SNX29: variants seen among roughly 807,000 people sequenced by gnomAD.
SNX29 encodes the protein sorting nexin-29.
A neutral mutation model predicts 102.1 loss-of-function variants in SNX29; 78 were observed. The ratio of observed to expected loss-of-function variants is 0.76; its 90% CI spans 0.64 to 0.92. The LOEUF (loss-of-function observed/expected upper bound fraction) is 0.92. Among genes scored for constraint, SNX29 ranks in the 40% least tolerant of loss-of-function variants. The pLI is 0.00. For missense variants in SNX29, 1,280 were observed against 1,061.7 expected, an observed-to-expected ratio of 1.21 and a Z score of -2.86; for synonymous variants, 580 against 414.5, an observed-to-expected ratio of 1.40 and a Z score of -4.85.
intron 19 of SNX29, among the ~76,000 whole-genome samples, chr16:12,497,904 G>C (rs1293484744): frequency 6.6e-6 from 1 of 152,156 alleles, no homozygotes; most frequent in Admixed American, 6.5e-5. Flanking sequence ...CAGGTCATTG[G>C]TTCATCCCTG....
At chr16:12,432,784 A>G (rs1159885082) in intron 18 of SNX29, among the ~76,000 whole-genome samples, 2 of 152,238 alleles carry the variant, frequency 1.3e-5, no homozygotes, top group East Asian at 1.9e-4. Flanking sequence ...CTAGAATTCA[A>G]TGGCAGCTCA....
chr16:12,542,855 A>C (rs1244366997), intron 20 of SNX29, among the ~76,000 whole-genome samples: 2 of 152,182 alleles, frequency 1.3e-5, no homozygotes, highest in East Asian at 1.9e-4. Context: ...AGTACTCAGA[A>C]ATGCTAAATG....
At chr16:12,011,063 G>T (rs1456260376) in intron 3 of SNX29, among the ~76,000 whole-genome samples, 1 of 151,788 alleles carries the variant, frequency 6.6e-6, no homozygotes, top group Non-Finnish European at 1.5e-5. Flanking sequence ...AAAATCCTGG[G>T]GTTCATTAAT....
intron 16 of SNX29, among the ~76,000 whole-genome samples, chr16:12,356,738 A>G (rs992927312): frequency 6.6e-6 from 1 of 152,216 alleles, no homozygotes; most frequent in Non-Finnish European, 1.5e-5. Flanking sequence ...GGGCTTTTCA[A>G]CCACAGCACT....
intron 4 of SNX29, among the ~76,000 whole-genome samples, chr16:12,028,998 G>A (rs1405569776): frequency 1.3e-5 from 2 of 152,030 alleles, no homozygotes; most frequent in South Asian, 2.1e-4. Flanking sequence ...TGCTCACTTC[G>A]GCCTTCCAGA....
intron 14 of SNX29, among the ~76,000 whole-genome samples, chr16:12,228,107 T>C (rs559004161): frequency 6.6e-6 from 1 of 152,118 alleles, no homozygotes; most frequent in South Asian, 2.1e-4. Context: ...TGAGACCCTG[T>C]CAGGAAAAGA....
intron 13 of SNX29, among the ~76,000 whole-genome samples, chr16:12,130,816 G>T (rs1196558977): frequency 4.0e-5 from 6 of 151,776 alleles, no homozygotes; most frequent in African/African-American, 1.5e-4. Flanking sequence ...GCTCTCGTTG[G>T]TCTGCGTGGG....
In SNX29 at chr16:12,025,302, C is replaced by CAAAAAAA. The variant is rs35724715; in HGVS notation, c.123-2002_123-1996dup. Among the ~76,000 whole-genome samples, 135 of 60,410 alleles carry CAAAAAAA rather than the reference C, an allele frequency of 2.2e-3. 6 individuals are homozygous for CAAAAAAA. The highest frequency in any genetic ancestry group is 5.1e-3 in the African/African-American group (72 of 14,004). 39.6% of individuals were successfully genotyped at this position (60,410 alleles called of 152,430 possible). On this transcript the variant is annotated intron_variant, in intron 3 of 20. Coordinates refer to ENST00000566228, the MANE Select transcript of SNX29 (RefSeq NM_032167.5). ...GGGCAACAAGAGCAAAACTCCATCT[C>CAAAAAAA]AAAAAAAAAAAAAAAAAAAAAAGTG...
intron 13 of SNX29, among the ~76,000 whole-genome samples, chr16:12,134,133 A>G (rs868734450): frequency 3.3e-5 from 5 of 152,310 alleles, no homozygotes; most frequent in Middle Eastern, 6.8e-3. Flanking sequence ...AGCTCAAGCT[A>G]TGAGACATAT....
chr16:12,252,992 T>C (rs2078466764), intron 14 of SNX29, among the ~76,000 whole-genome samples: 1 of 152,190 alleles, frequency 6.6e-6, no homozygotes, highest in African/African-American at 2.4e-5. Context: ...GGTTCTTGCG[T>C]TGGGTTTGAG....
rs377651900 is a variant in SNX29, at chr16:12,336,270, G to A, written c.1783-19893G>A. On this transcript the variant is annotated intron_variant, in intron 15 of 20. Coordinates refer to ENST00000566228, the MANE Select transcript of SNX29 (RefSeq NM_032167.5). ...TCACTGTAACACAGTTAAAGCCAAG[G>A]TATTCAGAATAGACTCTCTGCTCAG... Among the ~76,000 whole-genome samples the A allele has an allele frequency of 1.6e-4, 25 of 152,282 alleles. No individual in the cohort carries two copies. The East Asian group carries it at 3.5e-3, about 21-fold the overall frequency.
intron 3 of SNX29, among the ~76,000 whole-genome samples, chr16:12,023,692 C>G (rs1261415427): frequency 6.6e-6 from 1 of 151,986 alleles, no homozygotes; most frequent in Admixed American, 6.6e-5. Context: ...GGTTCATTAA[C>G]TTAATTAACT....
intron 20 of SNX29, among the ~76,000 whole-genome samples, chr16:12,558,979 CTTTAAAGAAAT>C (rs1247239055): frequency 6.6e-6 from 1 of 152,178 alleles, no homozygotes; most frequent in African/African-American, 2.4e-5. Context: ...GATTCAGAGA[CTTTAAAGAAAT>C]TTACACAGTT....
At chr16:12,200,845 C>A (rs945950399) in intron 14 of SNX29, among the ~76,000 whole-genome samples, 1 of 152,186 alleles carries the variant, frequency 6.6e-6, no homozygotes, top group Non-Finnish European at 1.5e-5. Context: ...GACCACCTGA[C>A]CCCTTTGAAT....
At chr16:12,540,707 G>A (rs1431338583) in intron 20 of SNX29, among the ~76,000 whole-genome samples, 1 of 152,210 alleles carries the variant, frequency 6.6e-6, no homozygotes, top group Admixed American at 6.5e-5. Context: ...CACATATGAA[G>A]ACGCTCCAGG....
intron 11 of SNX29, chr16:12,087,649 T>A (rs1264548237): frequency 2.8e-6 from 1 of 358,800 alleles, no homozygotes; most frequent in African/African-American, 2.1e-5. Context: ...CAGCCGTCAT[T>A]ATGCGAGATG....
chr16:12,074,771 G>C (rs1019117291), intron 10 of SNX29, among the ~76,000 whole-genome samples: 34 of 152,264 alleles, frequency 2.2e-4, no homozygotes, highest in Non-Finnish European at 4.0e-4. Flanking sequence ...TTCCAACTTG[G>C]TTCCATTCTC....
rs200157172 is a variant in SNX29, at chr16:12,522,051, TGGCCCCGAGG to T, written c.2179-2644_2179-2635del. Among the ~76,000 whole-genome samples the T allele has an allele frequency of 4.6e-3, 706 of 152,160 alleles. 8 individuals carry two copies. Among genetic ancestry groups the T allele is most frequent in the Middle Eastern group, 0.031 (9 of 294 alleles). ...AGAAGACTTTGTTGTGACTTTGGAG[TGGCCCCGAGG>T]GGCCCCTGCTGGCACAGATGCTCCA... is the stretch of plus-strand genomic sequence containing the variant. On this transcript the variant is annotated intron_variant, in intron 19 of 20. Transcript: ENST00000566228.
At chr16:12,102,393 A>C (rs2053060836) in intron 11 of SNX29, among the ~76,000 whole-genome samples, 1 of 152,242 alleles carries the variant, frequency 6.6e-6, no homozygotes, top group African/African-American at 2.4e-5. Flanking sequence ...ACAGTGTAAA[A>C]GCATTTCTAT....
Sources: gnomAD v4.1 joint callset for allele counts (sites outside exome capture counted in the v4.1 genomes callset) on GRCh38, gnomAD v4.1.1 for gene constraint, MANE v1.5 for transcripts, NCBI Gene and HGNC (gene_info 2026-07-23, HGNC 2026-07-21) for gene names.